The following PIWIL2 variants were observed in gnomAD, a reference collection of about 807,000 sequenced individuals.
PIWIL2 encodes the protein piwi like RNA-mediated gene silencing 2, also known as piwi-like protein 2.
A neutral mutation model predicts 116.5 loss-of-function variants in PIWIL2; 81 were observed. The ratio of observed to expected loss-of-function variants is 0.70; its 90% CI spans 0.58 to 0.84. The LOEUF (loss-of-function observed/expected upper bound fraction) is 0.84, where lower values mean the gene tolerates loss of function less well. Among genes scored for constraint, PIWIL2 ranks in the 40% least tolerant of loss-of-function variants. The pLI, the probability that PIWIL2 is intolerant of heterozygous loss-of-function variation, is 0.00. For missense variants in PIWIL2, 1,272 were observed against 1,212.3 expected, an observed-to-expected ratio of 1.05 and a Z score of -0.73; for synonymous variants, 489 against 429.5, an observed-to-expected ratio of 1.14 and a Z score of -1.71.
In PIWIL2 at chr8:22,353,081, T is replaced by C. The variant is rs2132115239; in HGVS notation, c.2526T>C (p.Asn842=). The C allele has an allele frequency of 6.2e-7, 1 of 1,614,194 alleles. No homozygotes were observed. Among genetic ancestry groups the C allele is most frequent in the East Asian group, 2.2e-5 (1 of 44,886 alleles). ...AGAAGTGTTTTGAAGCTTTTGAGAA[T>C]TATCAGCCCAAGATGGTGGTGTTTG... ...QLQKCFEAFE[N]YQPKMVVFVV... The change falls in exon 21 of 23, where the codon AAT becomes AAC. Residue 842 remains asparagine, a synonymous_variant. Coordinates refer to ENST00000356766, the MANE Select transcript of PIWIL2 (RefSeq NM_018068.5).
At chr8:22,317,105 C>T (rs746155192) in intron 19 of PIWIL2, among the ~76,000 whole-genome samples, 3 of 152,306 alleles carry the variant, frequency 2.0e-5, no homozygotes, top group Non-Finnish European at 2.9e-5. Context: ...AAACTTGGCA[C>T]GGGTGTGAAT....
chr8:22,324,004 A>G (rs1009918761), intron 20 of PIWIL2, among the ~76,000 whole-genome samples: 1 of 152,162 alleles, frequency 6.6e-6, no homozygotes, highest in East Asian at 1.9e-4. Flanking sequence ...GCTCATGCCT[A>G]TAATCCCAGC....
rs770853175 is a variant in PIWIL2, at chr8:22,307,995, G to A, written c.1608G>A (p.Leu536=). The A allele has an allele frequency of 3.1e-6, 5 of 1,613,600 alleles. No homozygotes were observed. The highest frequency in any genetic ancestry group is 4.2e-6 in the Non-Finnish European group (5 of 1,179,770). Residue 536 remains leucine (L), a synonymous_variant, in exon 14 of 23, where the codon CTG becomes CTA. Transcript: ENST00000356766. The stretch of plus-strand genomic sequence containing the variant: ...ACCATAGTGCTTTGGAATGCTTGCT[G>A]CAAAGAATTGCAAAGAACGAGGCAG... ...KQHHSALECL[L]QRIAKNEAAT...
At chr8:22,278,594 A>T (rs1275984829) in intron 1 of PIWIL2, among the ~76,000 whole-genome samples, 1 of 152,204 alleles carries the variant, frequency 6.6e-6, no homozygotes, top group South Asian at 2.1e-4. Flanking sequence ...GGTAGAAAAT[A>T]TAAGTAAGTT....
At chr8:22,330,410 T>A (rs1831830289) in intron 20 of PIWIL2, among the ~76,000 whole-genome samples, 1 of 152,100 alleles carries the variant, frequency 6.6e-6, no homozygotes, top group Admixed American at 6.6e-5. Flanking sequence ...TTTAAAATAG[T>A]TGATATAGCC....
Position 22,314,426 on chromosome 8 carries a change from C to A in PIWIL2, c.2088C>A (p.Ser696=). The change falls in exon 17 of 23, where the codon TCC becomes TCA. Residue 696 remains serine (S), a synonymous_variant. Transcript: ENST00000356766. ...KLCCVQSPVP[S]QVVNVRTIGQ... ...GCTGTGTGCAGTCCCCAGTGCCCTCCCAGGTGAGTGGGTGTTGGGGCAGGA... is the reference window on the plus strand; with the variant it reads ...GCTGTGTGCAGTCCCCAGTGCCCTCACAGGTGAGTGGGTGTTGGGGCAGGA... 1 of 1,543,142 alleles carries A rather than the reference C, an allele frequency of 6.5e-7. No individual in the cohort carries two copies. Among genetic ancestry groups the A allele is most frequent in the Non-Finnish European group, 8.8e-7 (1 of 1,137,254 alleles).
intron 1 of PIWIL2, among the ~76,000 whole-genome samples, chr8:22,278,098 G>A (rs1487716006): frequency 6.6e-6 from 1 of 152,078 alleles, no homozygotes; most frequent in African/African-American, 2.4e-5. Context: ...AACCCAGGAG[G>A]CAGAGGTTGC....
At chr8:22,349,472 C>T (rs1328199739) in intron 20 of PIWIL2, among the ~76,000 whole-genome samples, 1 of 143,480 alleles carries the variant, frequency 7.0e-6, no homozygotes, top group African/African-American at 2.6e-5. Context: ...TTTTAACAAC[C>T]CTGAGAAGAA....
Position 22,279,391 on chromosome 8 carries a change from A to G in PIWIL2, c.5A>G (p.Asp2Gly). 1 of 1,613,942 alleles carries G rather than the reference A, an allele frequency of 6.2e-7. No individual in the cohort carries two copies. Among genetic ancestry groups the G allele is most frequent in the Non-Finnish European group, 8.5e-7 (1 of 1,179,820 alleles). The stretch of plus-strand genomic sequence containing the variant: ...CGTGTTCTCTACAGCCCGTCCATGG[A>G]TCCTTTCCGACCATCGTTCAGGGGC... M[D>G]PFRPSFRGQS... Residue 2 changes from aspartate (D) to glycine (G), a missense_variant, in exon 2 of 23, where the codon GAT becomes GGT. Transcript: ENST00000356766.
chr8:22,275,426 CCAGGCAGGCCAGGGTCGCTCGGGGG>C (rs1830338321), intron 1 of PIWIL2, 28 bp downstream of exon 1: 1 of 152,406 alleles, frequency 6.6e-6, no homozygotes, highest in Non-Finnish European at 1.5e-5. Flanking sequence ...TTGCGGCATG[CCAGGCAGGCCAGGGTCGCTCGGGGG>C]CGGGCAGGTT....
At chr8:22,315,201 T>C in intron 18 of PIWIL2, 56 bp downstream of exon 18, 1 of 944,730 alleles carries the variant, frequency 1.1e-6, no homozygotes, top group Admixed American at 1.7e-5. Flanking sequence ...CCAAGCTGTT[T>C]TCCTGTTTTT....
At position 22,355,588 on chromosome 8, in the gene PIWIL2, A is replaced by C; in HGVS notation, c.*83A>C. 5 of 1,253,138 alleles carry C rather than the reference A, an allele frequency of 4.0e-6. No homozygotes were observed. Among genetic ancestry groups the C allele is most frequent in the Admixed American group, 2.0e-5 (1 of 49,726 alleles). The allele number at this position is 1,253,138 out of a possible 1,614,324, so 77.6% of individuals were successfully genotyped here. On this transcript the variant is annotated 3_prime_UTR_variant, in exon 23 of 23. Transcript: ENST00000356766. Reference sequence around the variant, plus strand: ...ACTCTTGCAGAATCAACAGAGACTGAAGTGGGCTTTTGTGTTATAATTTTC... The same window carrying C: ...ACTCTTGCAGAATCAACAGAGACTGCAGTGGGCTTTTGTGTTATAATTTTC...
intron 20 of PIWIL2, among the ~76,000 whole-genome samples, chr8:22,344,059 C>T (rs963239735): frequency 6.6e-6 from 1 of 152,082 alleles, no homozygotes; most frequent in Non-Finnish European, 1.5e-5. Context: ...AGAAATAAGC[C>T]ATTAAGCCAT....
intron 19 of PIWIL2, among the ~76,000 whole-genome samples, chr8:22,317,690 C>T (rs571547768): frequency 2.2e-4 from 33 of 151,910 alleles, no homozygotes; most frequent in Middle Eastern, 6.8e-3. Flanking sequence ...GACAGAGTCT[C>T]GCTCTGTCGC....
rs542219237 is a variant in PIWIL2 at position 22,281,947 on chromosome 8, A to C, written c.425+432A>C. ...GCACCATACCCAACTAATTTTTTGTATTTTTAGTAGAGACGAGGTTTCACT... is the reference window on the plus strand; with the variant it reads ...GCACCATACCCAACTAATTTTTTGTCTTTTTAGTAGAGACGAGGTTTCACT... On this transcript the variant is annotated intron_variant, in intron 4 of 22. Coordinates refer to ENST00000356766, the MANE Select transcript of PIWIL2 (RefSeq NM_018068.5). 1.0e-4 allele frequency among the ~76,000 whole-genome samples: 15 copies of C among 148,692 alleles called. No homozygotes were observed. The South Asian group carries it at 1.1e-3, about 11-fold the overall frequency.
chr8:22,355,576 C>G lies in PIWIL2; in HGVS notation c.*71C>G. On this transcript the variant is annotated 3_prime_UTR_variant, in exon 23 of 23. Transcript: ENST00000356766. ...AACTCAGCTGTGACTCTTGCAGAAT[C>G]AACAGAGACTGAAGTGGGCTTTTGT... 7.3e-7 allele frequency: 1 copy of G among 1,373,886 alleles called. No individual in the cohort carries two copies. Among genetic ancestry groups the G allele is most frequent in the Non-Finnish European group, 1.0e-6 (1 of 980,776 alleles). The allele number at this position is 1,373,886 out of a possible 1,614,324, so 85.1% of individuals were successfully genotyped here. A position where few individuals can be genotyped will look rare whatever the true frequency, so the allele number is the denominator to read the frequency against.
At chr8:22,335,879 G>A (rs765057377) in intron 20 of PIWIL2, among the ~76,000 whole-genome samples, 2 of 152,090 alleles carry the variant, frequency 1.3e-5, no homozygotes, top group African/African-American at 2.4e-5. Context: ...CAGACTTTTA[G>A]ATAACACTTG....
chr8:22,275,430 G>A (rs1348940463), intron 1 of PIWIL2, 32 bp downstream of exon 1: 4 of 152,434 alleles, frequency 2.6e-5, no homozygotes, highest in Non-Finnish European at 5.9e-5. Context: ...GGCATGCCAG[G>A]CAGGCCAGGG....
chr8:22,344,920 T>A (rs991334685), intron 20 of PIWIL2, among the ~76,000 whole-genome samples: 1 of 152,204 alleles, frequency 6.6e-6, no homozygotes, highest in African/African-American at 2.4e-5. Context: ...ATAAAAGTCT[T>A]GTCCAGGACA....
Sources: allele counts gnomAD v4.1 joint callset (sites outside exome capture counted in the v4.1 genomes callset), GRCh38; gene constraint gnomAD v4.1.1; transcripts MANE v1.5; gene names NCBI Gene and HGNC (gene_info 2026-07-23, HGNC 2026-07-21).